DAB2: variants seen among roughly 807,000 people sequenced by gnomAD.
DAB2 encodes the protein disabled homolog 2.
DAB2 carries 28 observed loss-of-function variants against 71.6 expected under a neutral mutation model. The ratio of observed to expected loss-of-function variants is 0.39; its 90% CI spans 0.29 to 0.54. The LOEUF is 0.54. Ranked by LOEUF, DAB2 falls within the 20% of genes least tolerant of loss-of-function variation. The probability of loss-of-function intolerance (pLI) is 0.68; values close to 1 mark genes in which losing one functional copy is unlikely to be tolerated. For synonymous variants in DAB2, 345 were observed against 339.7 expected, an observed-to-expected ratio of 1.02 and a Z score of -0.17; for missense variants, 867 against 928.8, an observed-to-expected ratio of 0.93 and a Z score of 0.86.
At chr5:39,386,097 A>G (rs895459244) in intron 9 of DAB2, among the ~76,000 whole-genome samples, 4 of 152,138 alleles carry the variant, frequency 2.6e-5, no homozygotes, top group Admixed American at 6.5e-5. Flanking sequence ...TATTCTTTCC[A>G]TAGTAACTGT....
chr5:39,394,187 A>G (rs762146490), intron 2 of DAB2, 43 bp downstream of exon 2: 1 of 1,500,074 alleles, frequency 6.7e-7, no homozygotes, highest in Non-Finnish European at 9.3e-7. Flanking sequence ...AGGGGTAACC[A>G]TCTCTAGCTC....
At chr5:39,418,734 A>G (rs1377257693) in intron 1 of DAB2, among the ~76,000 whole-genome samples, 2 of 152,234 alleles carry the variant, frequency 1.3e-5, no homozygotes, top group Admixed American at 1.3e-4. Context: ...TTCAGCCTGA[A>G]TGTGTGCATC....
At chr5:39,413,023 G>T (rs981223945) in intron 1 of DAB2, among the ~76,000 whole-genome samples, 2 of 152,262 alleles carry the variant, frequency 1.3e-5, no homozygotes, top group Middle Eastern at 3.4e-3. Context: ...GGTCAAACTG[G>T]ATTAGGGTGG....
Position 39,377,288 on chromosome 5 carries a change from G to A in DAB2, c.1505-6C>T. ...GAGTGTGACAGTTACACCACCTGAA[G>A]TAAGAGGAAGAAAAATACTTATCAG... On this transcript the variant is annotated splice_region_variant and splice_polypyrimidine_tract_variant and intron_variant, in intron 11 of 14. Transcript: ENST00000320816. The A allele has an allele frequency of 1.2e-6, 2 of 1,602,476 alleles. No homozygotes were observed. The highest frequency in any genetic ancestry group is 1.7e-6 in the Non-Finnish European group (2 of 1,174,150).
At chr5:39,395,705 T>C (rs1295381931) in intron 1 of DAB2, among the ~76,000 whole-genome samples, 1 of 152,136 alleles carries the variant, frequency 6.6e-6, no homozygotes. Context: ...GGAGATTTAG[T>C]AGTTAATTTT....
At chr5:39,413,758 G>A (rs958864280) in intron 1 of DAB2, among the ~76,000 whole-genome samples, 3 of 152,146 alleles carry the variant, frequency 2.0e-5, no homozygotes, top group East Asian at 3.9e-4. Flanking sequence ...GGGGCGATGC[G>A]CTTTCTGTAT....
rs373247068 is a variant in DAB2, at chr5:39,376,891, G to C, written c.1896C>G (p.Ile632Met). The part of the protein sequence containing the change: ...PPPRAGPPKD[I>M]SSDAFTALDP... The stretch of plus-strand genomic sequence containing the variant: ...CTAAGGCAGTGAAGGCATCACTGGA[G>C]ATGTCCTTGGGAGGGCCAGCTCTGG... Residue 632 changes from isoleucine (I) to methionine (M), a missense_variant, in exon 12 of 15, where the codon ATC (isoleucine) becomes ATG (methionine). Coordinates refer to ENST00000320816, the MANE Select transcript of DAB2 (RefSeq NM_001343.4). 9.3e-6 allele frequency: 15 copies of C among 1,614,030 alleles called. No individual in the cohort carries two copies. The highest frequency in any genetic ancestry group is 1.3e-5 in the Non-Finnish European group (15 of 1,180,024).
intron 1 of DAB2, among the ~76,000 whole-genome samples, chr5:39,416,240 T>G (rs1267092950): frequency 6.6e-6 from 1 of 152,136 alleles, no homozygotes; most frequent in Non-Finnish European, 1.5e-5. Context: ...CTTAATATAT[T>G]TAAAACACTT....
chr5:39,415,470 T>C (rs1755825549), intron 1 of DAB2, among the ~76,000 whole-genome samples: 1 of 152,210 alleles, frequency 6.6e-6, no homozygotes, highest in African/African-American at 2.4e-5. Flanking sequence ...AGGGAACTTC[T>C]GTATTCTAGA....
rs746109866 is a variant in DAB2, at chr5:39,382,846, G to T, written c.1113C>A (p.Thr371=). ...CATTTTGAGTTCTCACTGCTGGCTG[G>T]GTTTGCGAACTTGAAAAGGGCCATG... ...AGPWPFSSSQ[T]QPAVRTQNGV... is the part of the protein sequence containing the mutation. The change falls in exon 10 of 15, where the codon ACC becomes ACA. Residue 371 remains threonine, a synonymous_variant. Transcript: ENST00000320816. 1 of 1,614,036 alleles carries T rather than the reference G, an allele frequency of 6.2e-7. No homozygotes were observed. Among genetic ancestry groups the T allele is most frequent in the East Asian group, 2.2e-5 (1 of 44,872 alleles).
chr5:39,381,639 A>G (rs1353681866), intron 10 of DAB2, 23 bp from the exon 11 acceptor site: 1 of 1,613,124 alleles, frequency 6.2e-7, no homozygotes, highest in Non-Finnish European at 8.5e-7. Context: ...GGAGGGAGGG[A>G]GAAGCCTTAG....
intron 1 of DAB2, among the ~76,000 whole-genome samples, chr5:39,419,284 C>G (rs886842172): frequency 1.3e-5 from 2 of 152,160 alleles, no homozygotes; most frequent in African/African-American, 4.8e-5. Context: ...GATTTCTGCT[C>G]ACTGGGAGAT....
chr5:39,419,448 C>T (rs926009696), intron 1 of DAB2, among the ~76,000 whole-genome samples: 4 of 152,090 alleles, frequency 2.6e-5, no homozygotes, highest in Non-Finnish European at 4.4e-5. Flanking sequence ...CATATTGGAG[C>T]CAATAAATAG....
At chr5:39,393,440 T>A in intron 2 of DAB2, 47 bp from the exon 3 acceptor site, 3 of 1,597,564 alleles carry the variant, frequency 1.9e-6, no homozygotes, top group Non-Finnish European at 2.6e-6. Flanking sequence ...GTTCTAATTA[T>A]GACCAAATAT....
intron 1 of DAB2, among the ~76,000 whole-genome samples, chr5:39,420,050 C>T (rs1755943220): frequency 6.6e-6 from 1 of 152,188 alleles, no homozygotes; most frequent in South Asian, 2.1e-4. Flanking sequence ...AGTTTAGATA[C>T]AGCTGGATGG....
chr5:39,404,481 GAAAC>G (rs1554054943), intron 1 of DAB2, among the ~76,000 whole-genome samples: 2 of 118,258 alleles, frequency 1.7e-5, no homozygotes, highest in Non-Finnish European at 3.7e-5. Flanking sequence ...AAAAAAGAAA[GAAAC>G]AGTCCCCTCT....
At chr5:39,393,439 A>G in intron 2 of DAB2, 46 bp from the exon 3 acceptor site, 1 of 1,597,564 alleles carries the variant, frequency 6.3e-7, no homozygotes. Context: ...AGTTCTAATT[A>G]TGACCAAATA....
At position 39,413,752 on chromosome 5, in the gene DAB2, C is replaced by T. The variant is rs961477963; in HGVS notation, c.-102+11052G>A. Among the ~76,000 whole-genome samples the T allele has an allele frequency of 6.6e-5, 10 of 152,076 alleles. No homozygotes were observed. The East Asian group carries it at 9.6e-4, about 15-fold the overall frequency. ...ACATTTAGAATAAGTGATATTGGGG[C>T]GATGCGCTTTCTGTATTTTAAAAAT... On this transcript the variant is annotated intron_variant, in intron 1 of 14. Coordinates refer to ENST00000320816, the MANE Select transcript of DAB2 (RefSeq NM_001343.4).
At chr5:39,403,530 C>G (rs1311256015) in intron 1 of DAB2, among the ~76,000 whole-genome samples, 2 of 152,054 alleles carry the variant, frequency 1.3e-5, no homozygotes, top group Non-Finnish European at 2.9e-5. Context: ...CTTACATGGT[C>G]TCATTATACA....
Sources: allele counts gnomAD v4.1 joint callset (sites outside exome capture counted in the v4.1 genomes callset), GRCh38; gene constraint gnomAD v4.1.1; transcripts MANE v1.5; gene names NCBI Gene and HGNC (gene_info 2026-07-23, HGNC 2026-07-21).